TRIML1: variants seen among roughly 807,000 people sequenced by gnomAD.
The protein encoded by TRIML1 is probable E3 ubiquitin-protein ligase TRIML1.
A neutral mutation model predicts 32.3 loss-of-function variants in TRIML1; 34 were observed. The observed-to-expected ratio is 1.05, with a 90% CI of 0.80 to 1.40. The LOEUF (loss-of-function observed/expected upper bound fraction) is 1.40, where lower values mean the gene tolerates loss of function less well. TRIML1 is among the 40% of genes most tolerant of loss of function. The probability of loss-of-function intolerance (pLI) is 0.00; values close to 1 mark genes in which losing one functional copy is unlikely to be tolerated. For missense variants in TRIML1, 595 were observed against 574.9 expected (o/e 1.03, Z -0.36); for synonymous variants, 244 against 226.6 (o/e 1.08, Z -0.69).
chr4:188,141,404 A>C (rs879256172), intron 2 of TRIML1, among the ~76,000 whole-genome samples: 2 of 151,966 alleles, frequency 1.3e-5, no homozygotes, highest in Non-Finnish European at 2.9e-5. Context: ...GACCTCAGGT[A>C]ATCCACCTGT....
chr4:188,148,589 T>C (rs1193741047), downstream of TRIML1, among the ~76,000 whole-genome samples: 1 of 152,036 alleles, frequency 6.6e-6, no homozygotes, highest in Non-Finnish European at 1.5e-5. Context: ...TCTTTAGTGA[T>C]CTATCCCTGC....
At chr4:188,148,015 C>G (rs1418819766), downstream of TRIML1, among the ~76,000 whole-genome samples, 1 of 152,194 alleles carries the variant, frequency 6.6e-6, no homozygotes, top group Non-Finnish European at 1.5e-5. Flanking sequence ...AGGCTGGAAC[C>G]TTCCATTAAT....
chr4:188,145,724 A>G (rs6858434), intron 5 of TRIML1, among the ~76,000 whole-genome samples: 125,405 of 152,000 alleles, frequency 0.83, 52,125 homozygotes, highest in Non-Finnish European at 0.88. Context: ...GGCTGAGGCA[A>G]GAGAATCACT....
chr4:188,140,530 G>A lies in TRIML1; in HGVS notation c.411G>A (p.Glu137=). The change falls in exon 2 of 6, where the codon GAG becomes GAA. Residue 137 remains glutamate (E), a splice_region_variant and synonymous_variant. Coordinates refer to ENST00000332517, the MANE Select transcript of TRIML1 (RefSeq NM_178556.5). The part of the protein sequence containing the change: ...LSSEAEEHHR[E]KLQEILNLLR... ...GAAAGGGTTTGTTTCTATTGCAGGA[G>A]AAACTCCAGGAAATCCTGAATCTTT... 1 of 1,613,590 alleles carries A rather than the reference G, an allele frequency of 6.2e-7. No homozygotes were observed. Among genetic ancestry groups the A allele is most frequent in the Non-Finnish European group, 8.5e-7 (1 of 1,179,590 alleles).
At chr4:188,149,863 C>T (rs555556330), downstream of TRIML1, among the ~76,000 whole-genome samples, 43 of 152,080 alleles carry the variant, frequency 2.8e-4, no homozygotes, top group Non-Finnish European at 5.6e-4. Context: ...AATGCAGTGG[C>T]GCCATCTTGG....
chr4:188,148,309 C>T (rs1307421500), downstream of TRIML1, among the ~76,000 whole-genome samples: 1 of 151,822 alleles, frequency 6.6e-6, no homozygotes, highest in Non-Finnish European at 1.5e-5. Context: ...GCCTGACCAA[C>T]ATGGAGAAAC....
At chr4:188,145,613 G>A (rs1048758545) in intron 5 of TRIML1, among the ~76,000 whole-genome samples, 4 of 150,054 alleles carry the variant, frequency 2.7e-5, no homozygotes, top group East Asian at 2.0e-4. Flanking sequence ...ACCCGAGGTC[G>A]GGAGTTTGAG....
chr4:188,146,224 C>G (rs1735075147), intron 5 of TRIML1, among the ~76,000 whole-genome samples: 2 of 152,180 alleles, frequency 1.3e-5, no homozygotes, highest in Admixed American at 6.5e-5. Flanking sequence ...TGTGGACGCA[C>G]AGCTCGGAGC....
At chr4:188,145,332 C>T (rs1414715970) in intron 5 of TRIML1, among the ~76,000 whole-genome samples, 1 of 150,920 alleles carries the variant, frequency 6.6e-6, no homozygotes, top group Non-Finnish European at 1.5e-5. Context: ...ATCCCAGCTA[C>T]TCGGGAGGCC....
intron 2 of TRIML1, 57 bp from the exon 3 acceptor site, chr4:188,142,195 C>T: frequency 1.6e-6 from 2 of 1,230,922 alleles, no homozygotes; most frequent in Non-Finnish European, 2.3e-6. Flanking sequence ...ATTTCTCTTA[C>T]TAACTTTATC....
chr4:188,141,670 A>G (rs1439595148), intron 2 of TRIML1, among the ~76,000 whole-genome samples: 3 of 152,188 alleles, frequency 2.0e-5, no homozygotes, highest in Non-Finnish European at 2.9e-5. Context: ...TTTCTCCACT[A>G]GAACGACCGC....
chr4:188,139,557 A>G lies in TRIML1; in HGVS notation c.-2A>G, dbSNP rs150570339. On this transcript the variant is annotated 5_prime_UTR_variant, in exon 1 of 6. Transcript: ENST00000332517. ...CCTGGCTGCATATCCAGCCTCGAGAAAATGTCTACAGCAGATCTGATGGAG... is the reference window on the plus strand; with the variant it reads ...CCTGGCTGCATATCCAGCCTCGAGAGAATGTCTACAGCAGATCTGATGGAG... The G allele has an allele frequency of 1.7e-5, 27 of 1,564,472 alleles. No individual in the cohort carries two copies. In the African/African-American group the frequency reaches 3.5e-4, roughly 21 times the overall value.
chr4:188,144,361 G>GTA (rs1734977257), intron 5 of TRIML1, among the ~76,000 whole-genome samples: 1 of 81,640 alleles, frequency 1.2e-5, no homozygotes, highest in Non-Finnish European at 3.1e-5. Context: ...TGTCTAAAGG[G>GTA]TCTTTTTTTT....
At position 188,140,096 on chromosome 4, in the gene TRIML1, C is replaced by T. The variant is rs1051029014; in HGVS notation, c.408+130C>T. 5.5e-5 allele frequency: 52 copies of T among 939,204 alleles called. No homozygotes were observed. In the Middle Eastern group the frequency reaches 1.3e-3, roughly 24 times the overall value. 58.2% of individuals were successfully genotyped at this position (939,204 alleles called of 1,614,324 possible). On this transcript the variant is annotated intron_variant, in intron 1 of 5. Transcript: ENST00000332517. ...ATCTGAGCACCACATCACAAACTGG[C>T]GTGGGTCCAGTTTACACCCTTTTTT...
downstream of TRIML1, among the ~76,000 whole-genome samples, chr4:188,150,766 A>G (rs1176825069): frequency 6.6e-6 from 1 of 151,164 alleles, no homozygotes; most frequent in Non-Finnish European, 1.5e-5. Context: ...GCCACTGATG[A>G]GGTGTGTGGG....
chr4:188,142,671 A>C (rs1734908743), intron 3 of TRIML1, among the ~76,000 whole-genome samples, 189 bp downstream of exon 3: 1 of 150,896 alleles, frequency 6.6e-6, no homozygotes. Flanking sequence ...AAAAAAAAAA[A>C]CACATCCAGA....
chr4:188,141,163 C>CTTTTTTTTTTTTT (rs1734837698), intron 2 of TRIML1, among the ~76,000 whole-genome samples: 13 of 106,330 alleles, frequency 1.2e-4, no homozygotes, highest in South Asian at 3.4e-4. Context: ...ACTTTGAAAT[C>CTTTTTTTTTTTTT]TGTTTTTTTT....
downstream of TRIML1, among the ~76,000 whole-genome samples, chr4:188,149,963 T>C (rs925910677): frequency 6.6e-6 from 1 of 150,926 alleles, no homozygotes; most frequent in East Asian, 2.0e-4. Flanking sequence ...CGCACCACCA[T>C]GCCCAGCTAA....
At chr4:188,140,298 T>A (rs541496519) in intron 1 of TRIML1, among the ~76,000 whole-genome samples, 1 of 152,146 alleles carries the variant, frequency 6.6e-6, no homozygotes, top group East Asian at 1.9e-4. Flanking sequence ...TTTTTTGTAT[T>A]TTTAATAGAG....
Sources: allele counts gnomAD v4.1 joint callset (sites outside exome capture counted in the v4.1 genomes callset), GRCh38; gene constraint gnomAD v4.1.1; transcripts MANE v1.5; gene names NCBI Gene and HGNC (gene_info 2026-07-23, HGNC 2026-07-21).